The following PSD3 variants were observed in gnomAD, a reference collection of about 807,000 sequenced individuals.
PSD3 encodes the protein pleckstrin and Sec7 domain containing 3.
PSD3 carries 49 observed loss-of-function variants against 105.5 expected under a neutral mutation model. The observed-to-expected ratio is 0.46, with a 90% confidence interval of 0.37 to 0.59. The LOEUF (loss-of-function observed/expected upper bound fraction) is 0.59. PSD3 is among the 20% of genes least tolerant of loss of function. The pLI is 0.00. For missense variants in PSD3, 1,561 were observed against 1,263.8 expected (o/e 1.24, Z -3.57); for synonymous variants, 557 against 457.8 (o/e 1.22, Z -2.77).
At chr8:18,743,162 A>C (rs1024816476) in intron 9 of PSD3, among the ~76,000 whole-genome samples, 2 of 152,226 alleles carry the variant, frequency 1.3e-5, no homozygotes, top group African/African-American at 4.8e-5. Flanking sequence ...TTGAAGGTTC[A>C]CTGAAAATCA....
intron 9 of PSD3, among the ~76,000 whole-genome samples, chr8:18,704,340 A>T (rs1398633229): frequency 1.3e-5 from 2 of 152,176 alleles, no homozygotes; most frequent in Non-Finnish European, 2.9e-5. Context: ...ATAAAGGAAA[A>T]TAAGAGAACC....
At position 18,851,757 on chromosome 8, in the gene PSD3, GCAA is replaced by G. The variant is rs536693691; in HGVS notation, c.1634+15914_1634+15916del. ...CTTTCCCTACCACATCTGTACTTCT[GCAA>G]CAACAAGGCAGTTTCAAATCAGCTC... On this transcript the variant is annotated intron_variant, in intron 4 of 15. Transcript: ENST00000327040. Among the ~76,000 whole-genome samples, 56 of 152,322 alleles carry G rather than the reference GCAA, an allele frequency of 3.7e-4. No individual in the cohort carries two copies. The South Asian group carries it at 0.011, about 29-fold the overall frequency.
intron 9 of PSD3, among the ~76,000 whole-genome samples, chr8:18,668,365 T>C (rs1799600699): frequency 6.6e-6 from 1 of 152,276 alleles, no homozygotes. Flanking sequence ...CTGGTATTTC[T>C]GACGCTGCGA....
chr8:18,870,522 C>T lies in PSD3; in HGVS notation c.1238+1104G>A, dbSNP rs559333504. ...AGGGAGGGGAATATCACCCACCGGG[C>T]CCTGTCGGGGTGTTGGGGGCTAAGG... On this transcript the variant is annotated intron_variant, in intron 3 of 15. Coordinates refer to ENST00000327040, the MANE Select transcript of PSD3 (RefSeq NM_015310.4). 4.6e-5 allele frequency among the ~76,000 whole-genome samples: 7 copies of T among 152,114 alleles called. No individual in the cohort carries two copies. In the South Asian group the frequency reaches 1.5e-3, roughly 32 times the overall value.
chr8:18,575,304 A>T lies in PSD3; in HGVS notation c.2482-19T>A. 1.3e-6 allele frequency: 2 copies of T among 1,526,656 alleles called. No homozygotes were observed. Among genetic ancestry groups the T allele is most frequent in the Non-Finnish European group, 1.8e-6 (2 of 1,135,186 alleles). The allele number at this position is 1,526,656 out of a possible 1,614,324, so 94.6% of individuals were successfully genotyped here. A position where few individuals can be genotyped will look rare whatever the true frequency, so the allele number is the denominator to read the frequency against. ...ATTCATCCTATAGATGGACACAAAG[A>T]AAATAAAGGCAAAAATCACGATCAG... On this transcript the variant is annotated intron_variant, in intron 12 of 15. Transcript: ENST00000327040.
At chr8:19,028,840 T>C (rs78477377) in intron 1 of PSD3, among the ~76,000 whole-genome samples, 14,600 of 152,258 alleles carry the variant, frequency 0.096, 889 homozygotes, top group Non-Finnish European at 0.14. Context: ...TATGAGCCAT[T>C]ATGTGTTAAT....
chr8:18,733,024 A>G (rs1457225157), intron 9 of PSD3: 2 of 152,180 alleles, frequency 1.3e-5, no homozygotes, highest in Non-Finnish European at 2.9e-5. Flanking sequence ...TGAAACGTGC[A>G]ATGCAGACTA....
chr8:18,778,346 T>C (rs955028582), intron 8 of PSD3, among the ~76,000 whole-genome samples: 9 of 152,206 alleles, frequency 5.9e-5, no homozygotes, highest in Non-Finnish European at 1.3e-4. Context: ...AGTTCATCTA[T>C]CAGATCTAAG....
chr8:18,865,286 A>AT (rs375872604), intron 4 of PSD3: 198 of 14,098 alleles, frequency 0.014, 15 homozygotes, highest in Admixed American at 0.019. Flanking sequence ...ATATATATAT[A>AT]TTTTTTTTTT....
At chr8:18,713,718 T>C (rs897878590) in intron 9 of PSD3, among the ~76,000 whole-genome samples, 6 of 152,204 alleles carry the variant, frequency 3.9e-5, no homozygotes, top group African/African-American at 1.4e-4. Flanking sequence ...AAATAATTTA[T>C]ACATTCAATG....
At chr8:18,936,885 A>G (rs1822174732) in intron 1 of PSD3, among the ~76,000 whole-genome samples, 1 of 152,250 alleles carries the variant, frequency 6.6e-6, no homozygotes, top group African/African-American at 2.4e-5. Flanking sequence ...CAACAAAAAA[A>G]CCAGTCTTTC....
At chr8:18,913,626 G>A (rs1415303794) in intron 2 of PSD3, among the ~76,000 whole-genome samples, 2 of 152,050 alleles carry the variant, frequency 1.3e-5, no homozygotes, top group Admixed American at 6.6e-5. Context: ...CAGGACCCAG[G>A]CCCATCCCTA....
intron 14 of PSD3, among the ~76,000 whole-genome samples, chr8:18,560,196 A>G (rs1053654760): frequency 3.3e-5 from 5 of 151,798 alleles, no homozygotes; most frequent in Non-Finnish European, 7.4e-5. Flanking sequence ...ACACACACAC[A>G]CACACACACA....
At chr8:18,952,712 G>A (rs1342396028) in intron 1 of PSD3, among the ~76,000 whole-genome samples, 1 of 152,290 alleles carries the variant, frequency 6.6e-6, no homozygotes, top group East Asian at 1.9e-4. Flanking sequence ...TTTTCAGAGT[G>A]GCCAAAGCAT....
At position 18,592,813 on chromosome 8, in the gene PSD3, A is replaced by C. The variant is rs538473415; in HGVS notation, c.2481+7551T>G. 3.8e-4 allele frequency among the ~76,000 whole-genome samples: 58 copies of C among 152,324 alleles called. 1 individual carries two copies. In the East Asian group the frequency reaches 9.6e-3, roughly 25 times the overall value. On this transcript the variant is annotated intron_variant, in intron 12 of 15. Coordinates refer to ENST00000327040, the MANE Select transcript of PSD3 (RefSeq NM_015310.4). ...GAACAGAACAGAGCCCTCAGAAATA[A>C]CACCACCCATCTACAACTATCTGAT... is the stretch of plus-strand genomic sequence containing the variant.
chr8:18,874,783 T>C (rs1182498345), intron 2 of PSD3, among the ~76,000 whole-genome samples: 1 of 151,918 alleles, frequency 6.6e-6, no homozygotes, highest in Non-Finnish European at 1.5e-5. Flanking sequence ...TAATTATTAA[T>C]TACTGATACA....
chr8:18,990,817 A>C (rs1825750224), intron 1 of PSD3, among the ~76,000 whole-genome samples: 1 of 152,158 alleles, frequency 6.6e-6, no homozygotes, highest in Admixed American at 6.5e-5. Context: ...TGATGATCAC[A>C]TTCACGAACA....
intron 14 of PSD3, among the ~76,000 whole-genome samples, chr8:18,564,161 T>A (rs2130239504): frequency 1.3e-5 from 2 of 152,258 alleles, no homozygotes; most frequent in Admixed American, 1.3e-4. Flanking sequence ...TTACTAATAT[T>A]TATTACTGGG....
Position 18,529,594 on chromosome 8 carries a change from C to G in PSD3, c.*6149G>C, listed in dbSNP as rs1411262341. On this transcript the variant is annotated 3_prime_UTR_variant, in exon 16 of 16. Transcript: ENST00000327040. ...ACTGTCCCCTAAGCTTCAATTTGGT[C>G]TAATTACTCTTGTTCCTACAGTTTT... The G allele has an allele frequency of 2.0e-5, 3 of 152,664 alleles. No homozygotes were observed. The South Asian group carries it at 6.2e-4, about 32-fold the overall frequency. The allele number at this position is 152,664 out of a possible 1,614,324, so 9.5% of individuals were successfully genotyped here.
Sources: allele counts gnomAD v4.1 joint callset (sites outside exome capture counted in the v4.1 genomes callset), GRCh38; gene constraint gnomAD v4.1.1; transcripts MANE v1.5; gene names NCBI Gene and HGNC (gene_info 2026-07-23, HGNC 2026-07-21).